The following DNER variants were observed in gnomAD, a reference collection of about 807,000 sequenced individuals.
The protein encoded by DNER is delta/notch like EGF repeat containing.
DNER carries 33 observed loss-of-function variants against 78.2 expected under a neutral mutation model. The ratio of observed to expected loss-of-function variants is 0.42; its 90% CI spans 0.32 to 0.56. The LOEUF is 0.56. DNER is among the 20% of genes least tolerant of loss of function. The pLI is 0.11. For missense variants in DNER, 918 were observed against 975.3 expected (o/e 0.94, Z 0.78); for synonymous variants, 417 against 384.8 (o/e 1.08, Z -0.98).
intron 11 of DNER, among the ~76,000 whole-genome samples, chr2:229,387,515 GAAAGAAAGAA>G (rs1692906222): frequency 1.8e-4 from 13 of 73,580 alleles, no homozygotes; most frequent in African/African-American, 5.8e-4. Context: ...AAGAGAGAAA[GAAAGAAAGAA>G]AGAAAGAAAG....
At chr2:229,709,272 T>C (rs1468426346) in intron 1 of DNER, among the ~76,000 whole-genome samples, 1 of 152,242 alleles carries the variant, frequency 6.6e-6, no homozygotes, top group Non-Finnish European at 1.5e-5. Flanking sequence ...ATGTTCTTAT[T>C]TGTGAGTTAC....
chr2:229,515,638 TA>T (rs145073747), intron 5 of DNER, among the ~76,000 whole-genome samples: 28,366 of 115,992 alleles, frequency 0.24, 3,858 homozygotes, highest in South Asian at 0.34. Context: ...AAGTTAGCTT[TA>T]TTTTTTTATT....
intron 1 of DNER, among the ~76,000 whole-genome samples, chr2:229,700,688 G>A (rs1699731726): frequency 6.6e-6 from 1 of 151,840 alleles, no homozygotes; most frequent in Admixed American, 6.6e-5. Context: ...GCCGAGGTGG[G>A]CAGATCATGA....
intron 8 of DNER, among the ~76,000 whole-genome samples, chr2:229,442,877 C>T (rs1027238772): frequency 2.6e-5 from 4 of 152,064 alleles, no homozygotes; most frequent in Non-Finnish European, 4.4e-5. Flanking sequence ...AAAATTACAT[C>T]TAAAATCCTT....
chr2:229,515,326 C>G (rs975549667), intron 5 of DNER, among the ~76,000 whole-genome samples: 4 of 152,160 alleles, frequency 2.6e-5, no homozygotes, highest in Admixed American at 1.3e-4. Context: ...GTGCATGAGT[C>G]CTGTTTGGAG....
At chr2:229,597,702 T>TG (rs1362377444) in intron 1 of DNER, among the ~76,000 whole-genome samples, 1 of 152,254 alleles carries the variant, frequency 6.6e-6, no homozygotes, top group Admixed American at 6.5e-5. Context: ...CATGGGTTAA[T>TG]GGTCTTCTGC....
At chr2:229,380,401 A>G (rs1692710085) in intron 11 of DNER, among the ~76,000 whole-genome samples, 1 of 152,106 alleles carries the variant, frequency 6.6e-6, no homozygotes, top group Admixed American at 6.6e-5. Flanking sequence ...ATTCACACAG[A>G]AGACAAGTTT....
chr2:229,510,477 C>T (rs1332535388), intron 6 of DNER, among the ~76,000 whole-genome samples: 2 of 152,062 alleles, frequency 1.3e-5, no homozygotes, highest in Non-Finnish European at 2.9e-5. Flanking sequence ...GGGGCAAAGG[C>T]CACTAGCCTG....
chr2:229,485,925 C>CTATTT (rs1695261922), intron 6 of DNER, among the ~76,000 whole-genome samples: 2 of 152,130 alleles, frequency 1.3e-5, no homozygotes, highest in East Asian at 1.9e-4. Context: ...GCGACGAGAG[C>CTATTT]TATTTTTAAC....
Position 229,575,807 on chromosome 2 carries a change from G to A in DNER, c.847+10051C>T, listed in dbSNP as rs1697287866. On this transcript the variant is annotated intron_variant, in intron 4 of 12. Coordinates refer to ENST00000341772, the MANE Select transcript of DNER (RefSeq NM_139072.4). ...ACAATATTTAGGATTAGGGCATATA[G>A]AAATAGGGCATGGAGTTCAGGCCAA... 2.0e-5 allele frequency among the ~76,000 whole-genome samples: 3 copies of A among 152,276 alleles called. No homozygotes were observed. In the Middle Eastern group the frequency reaches 0.01, roughly 518 times the overall value.
intron 4 of DNER, among the ~76,000 whole-genome samples, chr2:229,568,179 T>C (rs1458449325): frequency 6.6e-6 from 1 of 152,242 alleles, no homozygotes; most frequent in Non-Finnish European, 1.5e-5. Flanking sequence ...TTAAGCCGTG[T>C]TCCAAGAGGC....
At chr2:229,636,281 C>T (rs1698530675) in intron 1 of DNER, among the ~76,000 whole-genome samples, 1 of 152,220 alleles carries the variant, frequency 6.6e-6, no homozygotes, top group African/African-American at 2.4e-5. Context: ...ATCCCTGAGT[C>T]AGAAGCACCC....
intron 1 of DNER, among the ~76,000 whole-genome samples, chr2:229,627,551 T>A (rs1698365818): frequency 6.6e-6 from 1 of 152,028 alleles, no homozygotes. Context: ...CTATTAACAA[T>A]GAACAAAACC....
intron 8 of DNER, among the ~76,000 whole-genome samples, chr2:229,441,828 T>C (rs1385284178): frequency 2.6e-5 from 4 of 152,180 alleles, no homozygotes; most frequent in Admixed American, 2.0e-4. Context: ...GAAGACATCA[T>C]GGCCCAGCTG....
chr2:229,427,498 C>T (rs943265278), intron 8 of DNER, among the ~76,000 whole-genome samples: 3 of 152,166 alleles, frequency 2.0e-5, no homozygotes, highest in African/African-American at 4.8e-5. Flanking sequence ...ATCAATCAAT[C>T]ATTCAAGTCA....
At chr2:229,446,810 T>C (rs751946108) in intron 8 of DNER, among the ~76,000 whole-genome samples, 3 of 152,228 alleles carry the variant, frequency 2.0e-5, no homozygotes, top group African/African-American at 4.8e-5. Context: ...GCCAGTGATA[T>C]AACATAATGT....
In DNER at chr2:229,561,858, C is replaced by T. The variant is rs150185169; in HGVS notation, c.848-14766G>A. The stretch of plus-strand genomic sequence containing the variant: ...GGAGTTTTTGCTGTGAACTGGGCCA[C>T]GCAGCTAAAGTATGTTTCTCCTCTG... On this transcript the variant is annotated intron_variant, in intron 4 of 12. Transcript: ENST00000341772. Among the ~76,000 whole-genome samples the T allele has an allele frequency of 3.5e-3, 539 of 152,272 alleles. 4 individuals are homozygous for T. Among genetic ancestry groups the T allele is most frequent in the African/African-American group, 0.012 (498 of 41,568 alleles).
At chr2:229,394,379 C>T (rs762562778) in intron 10 of DNER, among the ~76,000 whole-genome samples, 2 of 151,778 alleles carry the variant, frequency 1.3e-5, no homozygotes, top group Non-Finnish European at 3.0e-5. Context: ...CACAGACAGG[C>T]TTCTCTTCGT....
At chr2:229,385,435 C>T (rs980432582) in intron 11 of DNER, among the ~76,000 whole-genome samples, 1 of 152,158 alleles carries the variant, frequency 6.6e-6, no homozygotes, top group Non-Finnish European at 1.5e-5. Flanking sequence ...CTTCTCTCAC[C>T]ACTGCTATTC....
Sources: gnomAD v4.1 joint callset for allele counts (sites outside exome capture counted in the v4.1 genomes callset) on GRCh38, gnomAD v4.1.1 for gene constraint, MANE v1.5 for transcripts, NCBI Gene and HGNC (gene_info 2026-07-23, HGNC 2026-07-21) for gene names.